Variants in CTNNA2 observed in about 807,000 individuals in gnomAD.
CTNNA2 encodes catenin alpha 2.
In CTNNA2, 42 loss-of-function variants were observed where a neutral mutation model predicts 101.0. The ratio of observed to expected loss-of-function variants is 0.42; its 90% CI spans 0.32 to 0.54. The LOEUF (loss-of-function observed/expected upper bound fraction) is 0.54, where lower values mean the gene tolerates loss of function less well. Ranked by LOEUF, CTNNA2 falls within the 20% of genes least tolerant of loss-of-function variation. CTNNA2 has a pLI of 0.14. For missense variants in CTNNA2, 871 were observed against 1,223.1 expected (o/e 0.71, Z 4.29); for synonymous variants, 450 against 456.4 (o/e 0.99, Z 0.18).
intron 9 of CTNNA2, among the ~76,000 whole-genome samples, chr2:80,514,878 C>T (rs1688991356): frequency 6.6e-6 from 1 of 152,112 alleles, no homozygotes; most frequent in Non-Finnish European, 1.5e-5. Context: ...CAAAAAGAAC[C>T]AATCAGGAGA....
chr2:80,236,797 A>G (rs1709573453), intron 7 of CTNNA2, among the ~76,000 whole-genome samples: 1 of 152,216 alleles, frequency 6.6e-6, no homozygotes, highest in South Asian at 2.1e-4. Context: ...AAAGGAAAAC[A>G]TTGTGGCTAA....
At chr2:79,644,880 G>T (rs1680699203) in intron 1 of CTNNA2, among the ~76,000 whole-genome samples, 1 of 152,038 alleles carries the variant, frequency 6.6e-6, no homozygotes, top group Non-Finnish European at 1.5e-5. Context: ...GAAGCTCCAG[G>T]GTGTAACTAA....
chr2:79,857,584 G>A (rs1363184310), intron 3 of CTNNA2, among the ~76,000 whole-genome samples: 1 of 152,140 alleles, frequency 6.6e-6, no homozygotes, highest in Non-Finnish European at 1.5e-5. Context: ...TGTTAATGAG[G>A]CCAAGGTCTT....
intron 7 of CTNNA2, among the ~76,000 whole-genome samples, chr2:80,203,780 G>C (rs577517044): frequency 1.1e-4 from 17 of 152,308 alleles, no homozygotes; most frequent in African/African-American, 4.1e-4. Context: ...CTGTGTGGGG[G>C]CTCCAACTCC....
intron 7 of CTNNA2, among the ~76,000 whole-genome samples, chr2:80,290,442 G>A (rs112727008): frequency 8.6e-5 from 13 of 151,936 alleles, no homozygotes; most frequent in Admixed American, 2.6e-4. Context: ...AAGTAAAAGC[G>A]TCATGAAACC....
intron 9 of CTNNA2, among the ~76,000 whole-genome samples, chr2:80,420,962 T>C (rs1214490082): frequency 1.3e-5 from 2 of 152,210 alleles, no homozygotes; most frequent in African/African-American, 4.8e-5. Flanking sequence ...CTGGCTCTGT[T>C]CTCTCATATC....
Position 79,751,798 on chromosome 2 carries a change from AT to A in CTNNA2, c.298+7218del, listed in dbSNP as rs1194915998. ...GGCAACTTCATGAAAACCTGACTAA[AT>A]TAGAGAAAAACTGGACCCAGACAGA... On this transcript the variant is annotated intron_variant, in intron 3 of 18. Transcript: ENST00000402739. 2.0e-5 allele frequency among the ~76,000 whole-genome samples: 3 copies of A among 152,204 alleles called. No individual in the cohort carries two copies. In the East Asian group the frequency reaches 5.8e-4, roughly 29 times the overall value.
chr2:80,226,802 C>T (rs2149065815), intron 7 of CTNNA2, among the ~76,000 whole-genome samples: 1 of 152,250 alleles, frequency 6.6e-6, no homozygotes, highest in African/African-American at 2.4e-5. Context: ...AAACATCTCC[C>T]TCTTTCTCAT....
At chr2:79,255,343 A>G (rs867556647) in intron 2 of CTNNA2, among the ~76,000 whole-genome samples, 31 of 152,276 alleles carry the variant, frequency 2.0e-4, no homozygotes, top group African/African-American at 7.2e-4. Context: ...AACAGAGTGA[A>G]TGTTTGTTCA....
intron 1 of CTNNA2, among the ~76,000 whole-genome samples, chr2:79,606,734 T>C (rs1677920778): frequency 6.6e-6 from 1 of 152,198 alleles, no homozygotes; most frequent in South Asian, 2.1e-4. Flanking sequence ...GAAAGTGTAG[T>C]GTGATAAGGT....
chr2:80,597,962 C>T (rs1697131600), intron 15 of CTNNA2, among the ~76,000 whole-genome samples: 1 of 151,910 alleles, frequency 6.6e-6, no homozygotes, highest in Non-Finnish European at 1.5e-5. Context: ...GGACATACAC[C>T]CAAAGGATTA....
upstream of CTNNA2, among the ~76,000 whole-genome samples, chr2:79,512,219 A>G (rs1043322754): frequency 6.6e-5 from 10 of 152,112 alleles, no homozygotes; most frequent in African/African-American, 2.2e-4. Flanking sequence ...CAGAGGACGA[A>G]CATTTTTGGA....
At chr2:79,775,426 G>T (rs376925958) in intron 3 of CTNNA2, among the ~76,000 whole-genome samples, 7 of 152,112 alleles carry the variant, frequency 4.6e-5, no homozygotes, top group African/African-American at 1.7e-4. Context: ...AAAATACAAA[G>T]GATCAAAGCA....
chr2:79,808,814 A>G (rs1319899905), intron 3 of CTNNA2, among the ~76,000 whole-genome samples: 2 of 151,564 alleles, frequency 1.3e-5, no homozygotes, highest in African/African-American at 4.9e-5. Context: ...TTATACTTTA[A>G]GTTCTGGGAT....
At chr2:79,281,569 G>A (rs1443325103) in intron 2 of CTNNA2, 3 of 152,152 alleles carry the variant, frequency 2.0e-5, no homozygotes, top group African/African-American at 7.2e-5. Context: ...TGTGATTATT[G>A]CATAAGCAGT....
intron 7 of CTNNA2, among the ~76,000 whole-genome samples, chr2:80,043,364 A>AT (rs1696306893): frequency 1.3e-5 from 2 of 151,472 alleles, no homozygotes; most frequent in Non-Finnish European, 2.9e-5. Flanking sequence ...CGCCCAGCTG[A>AT]TTTTTGTATT....
rs561261003 is a variant in CTNNA2, at chr2:79,457,820, C to G, written c.-134-47234C>G. Among the ~76,000 whole-genome samples the G allele has an allele frequency of 3.9e-5, 6 of 152,290 alleles. No individual in the cohort carries two copies. In the South Asian group the frequency reaches 1.2e-3, roughly 32 times the overall value. On this transcript the variant is annotated intron_variant, in intron 4 of 21. Coordinates refer to the CTNNA2 transcript ENST00000466387. The stretch of plus-strand genomic sequence containing the variant: ...ATAAGCCCACTTGCTCACTCTCCCT[C>G]ACTCTCTACCTTCCCCTACCTCTCC...
chr2:80,647,572 T>C lies in CTNNA2; in HGVS notation c.2575-13T>C. The C allele has an allele frequency of 6.3e-7, 1 of 1,588,674 alleles. No homozygotes were observed. Among genetic ancestry groups the C allele is most frequent in the Non-Finnish European group, 8.6e-7 (1 of 1,165,572 alleles). ...CATTAACCCACATGTATCTCATTCT[T>C]TTCCTACTCTAGCTGGACAGTGCCA... is the stretch of plus-strand genomic sequence containing the variant. On this transcript the variant is annotated splice_polypyrimidine_tract_variant and intron_variant, in intron 18 of 18. Coordinates refer to ENST00000402739, the MANE Select transcript of CTNNA2 (RefSeq NM_001282597.3).
intron 1 of CTNNA2, among the ~76,000 whole-genome samples, chr2:79,539,068 C>A (rs1177738831): frequency 6.6e-6 from 1 of 152,084 alleles, no homozygotes; most frequent in African/African-American, 2.4e-5. Context: ...AATAATTGCA[C>A]AGATAATGGT....
Sources: allele counts gnomAD v4.1 joint callset (sites outside exome capture counted in the v4.1 genomes callset), GRCh38; gene constraint gnomAD v4.1.1; transcripts MANE v1.5; gene names NCBI Gene and HGNC (gene_info 2026-07-23, HGNC 2026-07-21).